The following CABIN1 variants were observed in gnomAD, a reference collection of about 807,000 sequenced individuals.
The protein encoded by CABIN1 is calcineurin binding protein 1.
In CABIN1, 133 loss-of-function variants were observed where a neutral mutation model predicts 227.7. The observed-to-expected ratio is 0.58, with a 90% CI of 0.51 to 0.67. The LOEUF (loss-of-function observed/expected upper bound fraction) is 0.67. Ranked by LOEUF, CABIN1 falls within the 30% of genes least tolerant of loss-of-function variation. CABIN1 has a pLI of 0.00. For missense variants in CABIN1, 2,408 were observed against 2,852.5 expected, an observed-to-expected ratio of 0.84 and a Z score of 3.55; for synonymous variants, 1,086 against 1,155.1, an observed-to-expected ratio of 0.94 and a Z score of 1.21.
At chr22:24,018,391 T>A (rs563721645) in intron 1 of CABIN1, among the ~76,000 whole-genome samples, 84 of 152,362 alleles carry the variant, frequency 5.5e-4, no homozygotes, top group Non-Finnish European at 8.2e-4. Flanking sequence ...TACTAAGTGT[T>A]AATACAAAGG....
chr22:24,063,894 T>C lies in CABIN1; in HGVS notation c.1885-141T>C, dbSNP rs2039385775. 7.2e-6 allele frequency: 7 copies of C among 967,758 alleles called. No homozygotes were observed. The South Asian group carries it at 7.7e-5, about 11-fold the overall frequency. 59.9% of individuals were successfully genotyped at this position (967,758 alleles called of 1,614,324 possible). ...TGAGCCCAAGCTACATGCCAGGCCT[T>C]TCTTAGGGGGGTACAGTGTAATTGG... On this transcript the variant is annotated intron_variant, in intron 14 of 36. Transcript: ENST00000263119.
At chr22:24,070,752 G>C in intron 16 of CABIN1, 48 bp from the exon 17 acceptor site, 6 of 1,613,664 alleles carry the variant, frequency 3.7e-6, no homozygotes, top group Non-Finnish European at 5.1e-6. Flanking sequence ...CTTGGGCCCA[G>C]ATGTGCTGAG....
Position 24,040,512 on chromosome 22 carries a change from A to G in CABIN1, c.211-627A>G, listed in dbSNP as rs552946369. Among the ~76,000 whole-genome samples the G allele has an allele frequency of 7.2e-5, 11 of 152,362 alleles. No individual in the cohort carries two copies. In the East Asian group the frequency reaches 2.1e-3, roughly 29 times the overall value. On this transcript the variant is annotated intron_variant, in intron 4 of 36. Transcript: ENST00000263119. ...TTTCTAATCAGCAGTTTCTTAGAAT[A>G]TAAGGTCATTAAAGCTGTAATGAAA...
chr22:24,066,396 AGT>A (rs1358013737), intron 15 of CABIN1, among the ~76,000 whole-genome samples: 1 of 152,218 alleles, frequency 6.6e-6, no homozygotes, highest in East Asian at 1.9e-4. Context: ...TTGAGTCAGC[AGT>A]GTGTGGCCTA....
At chr22:24,165,103 G>A (rs1478135586) in intron 30 of CABIN1, among the ~76,000 whole-genome samples, 2 of 152,194 alleles carry the variant, frequency 1.3e-5, no homozygotes, top group African/African-American at 4.8e-5. Context: ...TGGCCTGGAG[G>A]CCTCACTCCG....
At chr22:24,013,362 A>C (rs541383966) in intron 1 of CABIN1, among the ~76,000 whole-genome samples, 1 of 151,478 alleles carries the variant, frequency 6.6e-6, no homozygotes, top group South Asian at 2.1e-4. Context: ...ATACCCTGCT[A>C]GTTTTTTGTA....
At position 24,096,051 on chromosome 22, in the gene CABIN1, G is replaced by A. The variant is rs193920999; in HGVS notation, c.3907G>A (p.Glu1303Lys). Residue 1303 changes from glutamate to lysine, a missense_variant, in exon 25 of 37, where the codon GAG becomes AAG. This residue lies in a region of CABIN1 where 649 missense variants were observed against 910.3 expected (regional missense o/e 0.71). Coordinates refer to ENST00000263119, the MANE Select transcript of CABIN1 (RefSeq NM_012295.4). Reference sequence around the variant, plus strand: ...TGCAGAAGGACCCTTTGCCAGGGGCGAGGAGAAGAACACACCCAAAGCTTC... The same window carrying A: ...TGCAGAAGGACCCTTTGCCAGGGGCAAGGAGAAGAACACACCCAAAGCTTC... ...EAAEGPFARG[E>K]EKNTPKASEK... The A allele has an allele frequency of 6.3e-5, 102 of 1,614,024 alleles. No homozygotes were observed. Among genetic ancestry groups the A allele is most frequent in the Non-Finnish European group, 8.3e-5 (98 of 1,180,010 alleles).
At chr22:24,126,488 G>T (rs181410225) in intron 28 of CABIN1, among the ~76,000 whole-genome samples, 1 of 149,230 alleles carries the variant, frequency 6.7e-6, no homozygotes, top group Non-Finnish European at 1.5e-5. Context: ...TCTGCTGGAA[G>T]CTGGTGTGAC....
intron 6 of CABIN1, among the ~76,000 whole-genome samples, chr22:24,047,043 A>G (rs1459170840): frequency 6.6e-6 from 1 of 152,176 alleles, no homozygotes; most frequent in Non-Finnish European, 1.5e-5. Context: ...TGCTTTACTC[A>G]GTCTACTGAT....
intron 5 of CABIN1, among the ~76,000 whole-genome samples, chr22:24,042,208 A>C (rs920015033): frequency 6.6e-6 from 1 of 152,218 alleles, no homozygotes; most frequent in African/African-American, 2.4e-5. Context: ...TGCCCACCTC[A>C]GCCTCCCAAA....
At chr22:24,044,672 C>T (rs9608236) in intron 6 of CABIN1, among the ~76,000 whole-genome samples, 18 of 152,292 alleles carry the variant, frequency 1.2e-4, no homozygotes, top group Non-Finnish European at 1.0e-4. Context: ...AATTTTATTG[C>T]TCACAAGTTC....
chr22:24,013,481 G>A (rs1419425726), intron 1 of CABIN1, among the ~76,000 whole-genome samples: 2 of 152,168 alleles, frequency 1.3e-5, no homozygotes, highest in South Asian at 4.1e-4. Flanking sequence ...ATAGGCGTGA[G>A]CCACCATGCC....
Position 24,134,350 on chromosome 22 carries a change from C to T in CABIN1, c.4681C>T (p.Gln1561Ter). The change falls in exon 29 of 37, where the codon CAA (glutamine) becomes TAA (stop). Residue 1561 changes from glutamine (Q) to a stop codon, truncating the protein, a stop_gained. Transcript: ENST00000263119. LOFTEE classifies it high-confidence loss of function. ...DVLLGSSIPW[Q>*]QLQHMPAQGL... Reference sequence around the variant, plus strand: ...GTTGCTAGGCAGCAGTATCCCGTGGCAACAACTGCAGCACATGCCGGCACA... The same window carrying T: ...GTTGCTAGGCAGCAGTATCCCGTGGTAACAACTGCAGCACATGCCGGCACA... 1 of 1,614,190 alleles carries T rather than the reference C, an allele frequency of 6.2e-7. No homozygotes were observed. Among genetic ancestry groups the T allele is most frequent in the Non-Finnish European group, 8.5e-7 (1 of 1,180,022 alleles).
At chr22:24,065,582 C>T (rs1275711201) in intron 15 of CABIN1, among the ~76,000 whole-genome samples, 3 of 152,126 alleles carry the variant, frequency 2.0e-5, no homozygotes, top group Non-Finnish European at 4.4e-5. Flanking sequence ...CAGAGACGCT[C>T]CTCACTTCCC....
At chr22:24,150,838 C>A (rs1218755916) in intron 29 of CABIN1, among the ~76,000 whole-genome samples, 1 of 152,162 alleles carries the variant, frequency 6.6e-6, no homozygotes, top group East Asian at 1.9e-4. Flanking sequence ...GAACCAGTGA[C>A]CCTCTTCCTG....
chr22:24,062,790 G>C (rs2039294494), intron 13 of CABIN1, among the ~76,000 whole-genome samples, 169 bp from the exon 14 acceptor site: 1 of 152,008 alleles, frequency 6.6e-6, no homozygotes, highest in Non-Finnish European at 1.5e-5. Context: ...TGTCTTAACT[G>C]GTCCAACCTC....
At chr22:24,167,818 C>T (rs2046543075) in intron 32 of CABIN1, among the ~76,000 whole-genome samples, 1 of 152,194 alleles carries the variant, frequency 6.6e-6, no homozygotes, top group Non-Finnish European at 1.5e-5. Context: ...CTAATCATGT[C>T]AGTTTGCAAT....
intron 18 of CABIN1, among the ~76,000 whole-genome samples, chr22:24,075,181 C>G (rs144913613): frequency 3.8e-4 from 57 of 151,786 alleles, no homozygotes; most frequent in African/African-American, 1.4e-3. Context: ...CCAGCCTGGG[C>G]AAAAGTGAGA....
chr22:24,131,217 A>G (rs1252881872), intron 28 of CABIN1, among the ~76,000 whole-genome samples: 2 of 151,698 alleles, frequency 1.3e-5, no homozygotes, highest in Admixed American at 1.3e-4. Flanking sequence ...TCTTCAAGTC[A>G]GGGTCTCACA....
Sources: gnomAD v4.1 joint callset for allele counts (sites outside exome capture counted in the v4.1 genomes callset) on GRCh38, gnomAD v4.1.1 for gene constraint, gnomAD v4.1.1 regional missense constraint, MANE v1.5 for transcripts, NCBI Gene and HGNC (gene_info 2026-07-23, HGNC 2026-07-21) for gene names.